The following ANKRD35 variants were observed in gnomAD, a reference collection of about 807,000 sequenced individuals.
ANKRD35 encodes the protein ankyrin repeat domain 35.
A neutral mutation model predicts 109.9 loss-of-function variants in ANKRD35; 102 were observed. That is an observed-to-expected ratio of 0.93 (90% CI 0.79 to 1.09). The LOEUF (loss-of-function observed/expected upper bound fraction) is 1.09, where lower values mean the gene tolerates loss of function less well. Ranked by LOEUF, ANKRD35 falls within the 50% of genes least tolerant of loss-of-function variation. The pLI is 0.00. For missense variants in ANKRD35, 1,240 were observed against 1,230.1 expected, an observed-to-expected ratio of 1.01 and a Z score of -0.12; for synonymous variants, 515 against 512.4, an observed-to-expected ratio of 1.01 and a Z score of -0.07.
chr1:145,876,545 C>T, intron 6 of ANKRD35, 24 bp downstream of exon 6: 1 of 1,614,036 alleles, frequency 6.2e-7, no homozygotes, highest in South Asian at 1.1e-5. Context: ...TAGGACACTG[C>T]CCACTTGCCC....
chr1:145,872,756 CTG>C lies in ANKRD35; in HGVS notation c.2011_2012del (p.Gln671GlufsTer8), dbSNP rs782543860. The C allele has an allele frequency of 1.2e-6, 2 of 1,614,174 alleles. No individual in the cohort carries two copies. Among genetic ancestry groups the C allele is most frequent in the East Asian group, 2.2e-5 (1 of 44,868 alleles). ...QAQVQLQQLR[Q>X]SVGLLTNELA... The stretch of plus-strand genomic sequence containing the variant: ...GTTCATTTGTCAGCAGCCCCACACT[CTG>C]TCGCAACTGCTGTAGCTGGACCTGC... On this transcript the variant is annotated frameshift_variant, in exon 10 of 14. Coordinates refer to ENST00000355594, the MANE Select transcript of ANKRD35 (RefSeq NM_144698.5). LOFTEE classifies it high-confidence loss of function.
chr1:145,879,422 G>T (rs782209724), intron 1 of ANKRD35, 34 bp from the exon 2 acceptor site: 1 of 1,467,642 alleles, frequency 6.8e-7, no homozygotes. Flanking sequence ...TGAATATAGG[G>T]CATGAGGGTA....
In ANKRD35 at chr1:145,873,253, T is replaced by G. The variant is rs782134082; in HGVS notation, c.1516A>C (p.Lys506Gln). Residue 506 changes from lysine (K) to glutamine (Q), a missense_variant, in exon 10 of 14, where the codon AAG (lysine) becomes CAG (glutamine). Coordinates refer to ENST00000355594, the MANE Select transcript of ANKRD35 (RefSeq NM_144698.5). ...REELAAVWRE[K>Q]DAARGALSRP... is the part of the protein sequence containing the mutation. ...GACAAAGCCCCCCGGGCAGCATCCTTTTCTCGCCACACTGCAGCAAGCTCC... is the reference window on the plus strand; with the variant it reads ...GACAAAGCCCCCCGGGCAGCATCCTGTTCTCGCCACACTGCAGCAAGCTCC... 6.2e-7 allele frequency: 1 copy of G among 1,614,126 alleles called. No individual in the cohort carries two copies. Among genetic ancestry groups the G allele is most frequent in the Non-Finnish European group, 8.5e-7 (1 of 1,179,992 alleles).
chr1:145,874,262 C>A (rs879966357), intron 8 of ANKRD35, 70 bp from the exon 9 acceptor site: 3 of 1,547,370 alleles, frequency 1.9e-6, no homozygotes, highest in Admixed American at 3.3e-5. Context: ...ACATTCTTAT[C>A]TTCAGACTTT....
chr1:145,871,805 C>T (rs75788128), intron 10 of ANKRD35, among the ~76,000 whole-genome samples, 177 bp downstream of exon 10: 1 of 152,292 alleles, frequency 6.6e-6, no homozygotes, highest in South Asian at 2.1e-4. Flanking sequence ...TCCAATCTCA[C>T]CAACCCCCTC....
chr1:145,867,247 C>T lies in ANKRD35; in HGVS notation c.*43+40G>A. The T allele has an allele frequency of 5.0e-6, 7 of 1,410,616 alleles. No individual in the cohort carries two copies. In the South Asian group the frequency reaches 8.1e-5, roughly 16 times the overall value. The allele number at this position is 1,410,616 out of a possible 1,614,324, so 87.4% of individuals were successfully genotyped here. A position where few individuals can be genotyped will look rare whatever the true frequency, so the allele number is the denominator to read the frequency against. On this transcript the variant is annotated intron_variant, in intron 13 of 13. Coordinates refer to ENST00000355594, the MANE Select transcript of ANKRD35 (RefSeq NM_144698.5). ...CATACACCTTTCCCAAGCCCTTTCTCCCAAACTCCTTCCCTCATCACCCTT... is the reference window on the plus strand; with the variant it reads ...CATACACCTTTCCCAAGCCCTTTCTTCCAAACTCCTTCCCTCATCACCCTT...
chr1:145,868,461 A>G, intron 10 of ANKRD35, 61 bp from the exon 11 acceptor site: 2 of 1,465,420 alleles, frequency 1.4e-6, no homozygotes, highest in Non-Finnish European at 1.9e-6. Flanking sequence ...CACAAGGGTC[A>G]AGGTCAGCTT....
At position 145,872,265 on chromosome 1, in the gene ANKRD35, T is replaced by C; in HGVS notation, c.2504A>G (p.His835Arg). 5 of 1,611,942 alleles carry C rather than the reference T, an allele frequency of 3.1e-6. No individual in the cohort carries two copies. Among genetic ancestry groups the C allele is most frequent in the Non-Finnish European group, 4.2e-6 (5 of 1,179,156 alleles). The part of the protein sequence containing the change: ...RAREAASLRQ[H>R]EKTRGSLVAQ... ...CACCAGCGAACCCCGAGTTTTCTCGTGTTGCCGTAGGCTGGCTGCCTCCCG... is the reference window on the plus strand; with the variant it reads ...CACCAGCGAACCCCGAGTTTTCTCGCGTTGCCGTAGGCTGGCTGCCTCCCG... Residue 835 changes from histidine to arginine, a missense_variant, in exon 10 of 14, where the codon CAC (histidine) becomes CGC (arginine). By Grantham distance (29) the His-to-Arg change is conservative. Coordinates refer to ENST00000355594, the MANE Select transcript of ANKRD35 (RefSeq NM_144698.5).
intron 12 of ANKRD35, among the ~76,000 whole-genome samples, chr1:145,867,750 C>T (rs1467471907): frequency 4.6e-5 from 7 of 152,114 alleles, no homozygotes; most frequent in African/African-American, 1.4e-4. Flanking sequence ...GTATTGGGGA[C>T]AGGAAAAGTC....
intron 2 of ANKRD35, among the ~76,000 whole-genome samples, chr1:145,878,718 G>A (rs924557723): frequency 6.6e-6 from 1 of 152,214 alleles, no homozygotes; most frequent in African/African-American, 2.4e-5. Flanking sequence ...TCAGACTATT[G>A]CAGGGGTGTC....
chr1:145,871,221 T>C lies in ANKRD35; in HGVS notation c.2787+761A>G, dbSNP rs1475807591. ...CTGTGTCACCCAGGCTGGAGTGCAATGGTGCAATCTTGGCTCACTGCTACC... is the reference window on the plus strand; with the variant it reads ...CTGTGTCACCCAGGCTGGAGTGCAACGGTGCAATCTTGGCTCACTGCTACC... On this transcript the variant is annotated intron_variant, in intron 10 of 13. Coordinates refer to ENST00000355594, the MANE Select transcript of ANKRD35 (RefSeq NM_144698.5). 3.1e-5 allele frequency among the ~76,000 whole-genome samples: 4 copies of C among 128,254 alleles called. 1 individual carries two copies. The highest frequency in any genetic ancestry group is 8.6e-5 in the African/African-American group (3 of 34,886). 84.1% of individuals were successfully genotyped at this position (128,254 alleles called of 152,430 possible).
At chr1:145,869,113 A>T (rs587676659) in intron 10 of ANKRD35, among the ~76,000 whole-genome samples, 3 of 152,224 alleles carry the variant, frequency 2.0e-5, no homozygotes, top group East Asian at 1.9e-4. Flanking sequence ...ACTTAAAAAA[A>T]TTTAAAAAAA....
chr1:145,871,151 T>C (rs74813270), intron 10 of ANKRD35, among the ~76,000 whole-genome samples: 3 of 113,364 alleles, frequency 2.6e-5, no homozygotes, highest in South Asian at 3.3e-4. Context: ...CTTTTCTTTT[T>C]TCTTTTTTTT....
At chr1:145,874,062 A>G in intron 9 of ANKRD35, 77 bp from the exon 10 acceptor site, 1 of 1,611,228 alleles carries the variant, frequency 6.2e-7, no homozygotes, top group Non-Finnish European at 8.5e-7. Flanking sequence ...CTTCTCTTAA[A>G]TGTCTTGACA....
In ANKRD35 at chr1:145,879,381, C is replaced by G; in HGVS notation, c.47G>C (p.Arg16Thr). ...CAGCTTCTGATCATGGCGGTTCCAT[C>G]TCTCCACCTGGTCCAGAGCCACAGG... is the stretch of plus-strand genomic sequence containing the variant. Reference protein sequence around the residue: ...SCSSTQVAVERWNRHDQKLLE... With the variant: ...SCSSTQVAVETWNRHDQKLLE... Residue 16 changes from arginine to threonine, a missense_variant, in exon 2 of 14, where the codon AGA (arginine) becomes ACA (threonine). Transcript: ENST00000355594. 6.3e-7 allele frequency: 1 copy of G among 1,578,234 alleles called. No homozygotes were observed. Among genetic ancestry groups the G allele is most frequent in the Non-Finnish European group, 8.6e-7 (1 of 1,160,864 alleles).
chr1:145,885,791 C>T lies in ANKRD35; in HGVS notation c.-33G>A. The T allele has an allele frequency of 6.5e-7, 1 of 1,537,886 alleles. No individual in the cohort carries two copies. The highest frequency in any genetic ancestry group is 1.1e-5 in the South Asian group (1 of 89,276). On this transcript the variant is annotated 5_prime_UTR_variant, in exon 1 of 14. Transcript: ENST00000355594. ...GTCGGGGCCACGGGGGATGGGGACG[C>T]GCAGAGAGCCGGGCCACAGGTTCCC... is the stretch of plus-strand genomic sequence containing the variant.
In ANKRD35 at chr1:145,868,449, C is replaced by T. The variant is rs1653686366; in HGVS notation, c.2788-49G>A. On this transcript the variant is annotated intron_variant, in intron 10 of 13. Coordinates refer to ENST00000355594, the MANE Select transcript of ANKRD35 (RefSeq NM_144698.5). ...ACCAATGAGGCTCCAAGTCATTTCT[C>T]CCACAAGGGTCAAGGTCAGCTTCCT... is the stretch of plus-strand genomic sequence containing the variant. 3 of 1,539,844 alleles carry T rather than the reference C, an allele frequency of 1.9e-6. No individual in the cohort carries two copies. In the African/African-American group the frequency reaches 4.1e-5, roughly 21 times the overall value.
chr1:145,869,063 TAAAA>T (rs1448131572), intron 10 of ANKRD35, among the ~76,000 whole-genome samples: 2 of 151,296 alleles, frequency 1.3e-5, no homozygotes, highest in Non-Finnish European at 1.5e-5. Flanking sequence ...TGTAACCAAT[TAAAA>T]AAAAAGCTGC....
intron 10 of ANKRD35, among the ~76,000 whole-genome samples, chr1:145,869,680 G>T (rs587770715): frequency 6.6e-6 from 1 of 152,164 alleles, no homozygotes; most frequent in East Asian, 1.9e-4. Context: ...TGTTGTCCAG[G>T]CTGGTCTCAA....
Sources: allele counts gnomAD v4.1 joint callset (sites outside exome capture counted in the v4.1 genomes callset), GRCh38; gene constraint gnomAD v4.1.1; transcripts MANE v1.5; gene names NCBI Gene and HGNC (gene_info 2026-07-23, HGNC 2026-07-21).